The following CDH13 variants were observed in gnomAD, a reference collection of about 807,000 sequenced individuals.
The protein encoded by CDH13 is cadherin 13, also known as cadherin-13.
In CDH13, 24 loss-of-function variants were observed where a neutral mutation model predicts 63.8. The observed-to-expected ratio is 0.38, with a 90% CI of 0.27 to 0.53. CDH13 has a LOEUF of 0.53. Among genes scored for constraint, CDH13 ranks in the 20% least tolerant of loss-of-function variants. The probability of loss-of-function intolerance (pLI) is 0.85; values close to 1 mark genes in which losing one functional copy is unlikely to be tolerated. For synonymous variants in CDH13, 503 were observed against 355.3 expected (o/e 1.42, Z -4.67); for missense variants, 1,049 against 903.1 (o/e 1.16, Z -2.07).
chr16:82,741,153 C>G (rs1449176862), intron 1 of CDH13, among the ~76,000 whole-genome samples: 1 of 152,210 alleles, frequency 6.6e-6, no homozygotes, highest in African/African-American at 2.4e-5. Context: ...TGTTCATTCT[C>G]TGCTCAAAAG....
chr16:83,018,050 G>A (rs896204806), intron 2 of CDH13, among the ~76,000 whole-genome samples: 4 of 152,164 alleles, frequency 2.6e-5, no homozygotes, highest in African/African-American at 9.7e-5. Flanking sequence ...AAAAAATACA[G>A]TAATCAAAAG....
At chr16:83,184,978 T>G (rs569269434) in intron 4 of CDH13, among the ~76,000 whole-genome samples, 1 of 152,184 alleles carries the variant, frequency 6.6e-6, no homozygotes, top group Non-Finnish European at 1.5e-5. Context: ...CACTTATAAG[T>G]GTACATGTGT....
chr16:82,877,042 G>A (rs575030804), intron 2 of CDH13, among the ~76,000 whole-genome samples: 3 of 152,298 alleles, frequency 2.0e-5, no homozygotes. Flanking sequence ...CTACATTTAT[G>A]AGAACTCACT....
intron 4 of CDH13, among the ~76,000 whole-genome samples, chr16:83,138,269 C>G (rs774706516): frequency 6.6e-6 from 1 of 152,138 alleles, no homozygotes; most frequent in Non-Finnish European, 1.5e-5. Flanking sequence ...GTGTCAAGCA[C>G]TGCACTGGCT....
intron 10 of CDH13, among the ~76,000 whole-genome samples, chr16:83,739,710 G>T (rs414629): frequency 0.23 from 34,887 of 152,096 alleles, 4,085 homozygotes; most frequent in Non-Finnish European, 0.25. Flanking sequence ...CTATGGGGGA[G>T]GGATGAATGA....
chr16:83,326,397 T>C (rs1242306132), intron 5 of CDH13, among the ~76,000 whole-genome samples: 3 of 151,962 alleles, frequency 2.0e-5, no homozygotes, highest in Admixed American at 6.6e-5. Flanking sequence ...GTCCTAATGA[T>C]TCACTACCAT....
intron 1 of CDH13, among the ~76,000 whole-genome samples, chr16:82,808,810 C>T (rs1438186956): frequency 6.6e-6 from 1 of 152,128 alleles, no homozygotes; most frequent in African/African-American, 2.4e-5. Flanking sequence ...ATTTTAACTG[C>T]TGTGTCATGT....
intron 1 of CDH13, among the ~76,000 whole-genome samples, chr16:82,762,746 C>A (rs2034901548): frequency 6.6e-6 from 1 of 152,170 alleles, no homozygotes; most frequent in African/African-American, 2.4e-5. Context: ...CAAAGACCTG[C>A]TGTGTTGGAG....
intron 2 of CDH13, among the ~76,000 whole-genome samples, chr16:82,981,430 C>T (rs17745108): frequency 0.079 from 12,065 of 152,034 alleles, 506 homozygotes; most frequent in Middle Eastern, 0.11. Context: ...TAAATCAAGT[C>T]AGCTCTCTGT....
intron 7 of CDH13, among the ~76,000 whole-genome samples, chr16:83,511,996 G>T (rs888721564): frequency 6.6e-6 from 1 of 152,130 alleles, no homozygotes; most frequent in African/African-American, 2.4e-5. Context: ...GTAAGTGTTA[G>T]CTAATAGCAT....
chr16:83,450,851 C>G (rs1017062466), intron 6 of CDH13, among the ~76,000 whole-genome samples: 61 of 151,966 alleles, frequency 4.0e-4, no homozygotes, highest in African/African-American at 1.4e-3. Flanking sequence ...GCCTGGGAGA[C>G]AGAGCAAGAC....
intron 6 of CDH13, among the ~76,000 whole-genome samples, chr16:83,443,736 A>ATATATATATATATATATATATATATATAT: frequency 9.5e-5 from 1 of 10,572 alleles, no homozygotes; most frequent in South Asian, 4.1e-3. Context: ...AAAAAAAAAA[A>ATATATATATATATATATATATATATATAT]TATATATATA....
chr16:83,290,029 G>A (rs1862831), intron 5 of CDH13, among the ~76,000 whole-genome samples: 89,441 of 151,886 alleles, frequency 0.59, 27,609 homozygotes, highest in East Asian at 0.75. Context: ...TAACTGTACA[G>A]ATTAGATTGG....
At chr16:82,867,347 A>C (rs965049118) in intron 2 of CDH13, among the ~76,000 whole-genome samples, 61 of 152,132 alleles carry the variant, frequency 4.0e-4, no homozygotes, top group African/African-American at 1.4e-3. Context: ...CACTTTTATC[A>C]ACCAGGGTGA....
intron 1 of CDH13, among the ~76,000 whole-genome samples, chr16:82,817,072 T>G (rs1233981065): frequency 6.6e-6 from 1 of 152,092 alleles, no homozygotes. Flanking sequence ...ACCAAGTGCA[T>G]TGGTCAGATT....
intron 10 of CDH13, among the ~76,000 whole-genome samples, chr16:83,739,695 C>G (rs1165198804): frequency 6.6e-6 from 1 of 152,120 alleles, no homozygotes; most frequent in Non-Finnish European, 1.5e-5. Context: ...TTTTGAGAGA[C>G]CTGCCTATGG....
At chr16:83,426,899 G>GTTTC (rs1209108015) in intron 6 of CDH13, among the ~76,000 whole-genome samples, 1,322 of 80,678 alleles carry the variant, frequency 0.016, 52 homozygotes, top group African/African-American at 0.057. Flanking sequence ...CTATAAATAT[G>GTTTC]TTTCTTTCTT....
At chr16:83,615,198 C>T (rs1909184667) in intron 8 of CDH13, among the ~76,000 whole-genome samples, 2 of 152,122 alleles carry the variant, frequency 1.3e-5, no homozygotes, top group African/African-American at 2.4e-5. Flanking sequence ...AAAGAAAAGC[C>T]TCCTACTTGG....
chr16:82,808,046 G>A (rs915042542), intron 1 of CDH13, among the ~76,000 whole-genome samples: 1 of 152,090 alleles, frequency 6.6e-6, no homozygotes, highest in Non-Finnish European at 1.5e-5. Flanking sequence ...GGGCAAAATG[G>A]GGAGGAGAGA....
Sources: gnomAD v4.1 joint callset for allele counts (sites outside exome capture counted in the v4.1 genomes callset) on GRCh38, gnomAD v4.1.1 for gene constraint, MANE v1.5 for transcripts, NCBI Gene and HGNC (gene_info 2026-07-23, HGNC 2026-07-21) for gene names.